Variants in PARP1 observed in about 807,000 individuals in gnomAD.
PARP1 encodes the protein poly(ADP-ribose) polymerase 1, also known as poly [ADP-ribose] polymerase 1.
A neutral mutation model predicts 118.7 loss-of-function variants in PARP1; 44 were observed. The ratio of observed to expected loss-of-function variants is 0.37; its 90% CI spans 0.29 to 0.48. The LOEUF is 0.48. PARP1 is among the 20% of genes least tolerant of loss of function. PARP1 has a pLI of 0.99. For missense variants in PARP1, 1,100 were observed against 1,272.4 expected (o/e 0.86, Z 2.06); for synonymous variants, 492 against 483.2 (o/e 1.02, Z -0.24).
chr1:226,386,000 G>T (rs566416597), intron 6 of PARP1, among the ~76,000 whole-genome samples: 1 of 152,308 alleles, frequency 6.6e-6, no homozygotes, highest in African/African-American at 2.4e-5. Flanking sequence ...CAGCAGAGAA[G>T]GGCCAGCTGG....
intron 1 of PARP1, among the ~76,000 whole-genome samples, chr1:226,405,260 C>T (rs544188424): frequency 6.6e-6 from 1 of 152,220 alleles, no homozygotes; most frequent in Admixed American, 6.5e-5. Flanking sequence ...CTTTCACTAT[C>T]AAGTATACCA....
At chr1:226,392,177 A>C in intron 3 of PARP1, 22 bp downstream of exon 3, 1 of 1,470,322 alleles carries the variant, frequency 6.8e-7, no homozygotes, top group Non-Finnish European at 9.5e-7. Context: ...AAGTTCAGGG[A>C]TCTGGGCCCC....
chr1:226,388,775 TGA>T lies in PARP1; in HGVS notation c.618-22_618-21del, dbSNP rs756094085. 1.3e-6 allele frequency: 2 copies of T among 1,579,686 alleles called. No homozygotes were observed. The highest frequency in any genetic ancestry group is 8.7e-7 in the Non-Finnish European group (1 of 1,148,662). On this transcript the variant is annotated intron_variant, in intron 4 of 22. Transcript: ENST00000366794. ...CTCTTTCTGAAGGAGACACAGGATA[TGA>T]GAGACAGCCAGAGCCATTAAAAGTC...
intron 5 of PARP1, among the ~76,000 whole-genome samples, chr1:226,387,583 A>G (rs890180262): frequency 6.6e-6 from 1 of 152,166 alleles, no homozygotes; most frequent in African/African-American, 2.4e-5. Context: ...TCTCCATCAC[A>G]CACAGCATAC....
In PARP1 at chr1:226,386,339, G is replaced by C; in HGVS notation, c.821C>G (p.Ser274Cys). ...AAGGCAGCTCACCGCCGACTCCCCAGAAGGCACTTGCTGCTTGTTGAAGAT... is the reference window on the plus strand; with the variant it reads ...AAGGCAGCTCACCGCCGACTCCCCACAAGGCACTTGCTGCTTGTTGAAGAT... Reference protein sequence around the residue: ...LLIFNKQQVPSGESAILDRVA... With the variant: ...LLIFNKQQVPCGESAILDRVA... The change falls in exon 6 of 23, where the codon TCT (serine) becomes TGT (cysteine). Residue 274 changes from serine (S) to cysteine (C), a missense_variant. Ser to Cys is a moderately radical substitution (Grantham distance 112). Coordinates refer to ENST00000366794, the MANE Select transcript of PARP1 (RefSeq NM_001618.4). 6.2e-7 allele frequency: 1 copy of C among 1,608,924 alleles called. No individual in the cohort carries two copies. Among genetic ancestry groups the C allele is most frequent in the Non-Finnish European group, 8.5e-7 (1 of 1,175,236 alleles).
intron 2 of PARP1, 104 bp from the exon 3 acceptor site, chr1:226,392,418 C>G: frequency 3.7e-6 from 3 of 811,352 alleles, no homozygotes; most frequent in Non-Finnish European, 6.6e-6. Flanking sequence ...CACTAGGACA[C>G]CTTATGCCTT....
rs1483547143 is a variant in PARP1, at chr1:226,381,166, A to G, written c.1202T>C (p.Leu401Pro). The change falls in exon 9 of 23, where the codon CTG becomes CCG. Residue 401 changes from leucine to proline, a missense_variant. This residue lies in a region of PARP1 where 948 missense variants were observed against 1,031.8 expected (regional missense o/e 0.92). Coordinates refer to ENST00000366794, the MANE Select transcript of PARP1 (RefSeq NM_001618.4). ...CTTCACTTCATCCTTGTTCCGGGAC[A>G]GCTTCCCGAGAGTCAGGATCTTCAT... ...SNMKILTLGK[L>P]SRNKDEVKAM... The G allele has an allele frequency of 1.9e-6, 3 of 1,614,036 alleles. No individual in the cohort carries two copies. Among genetic ancestry groups the G allele is most frequent in the Non-Finnish European group, 2.5e-6 (3 of 1,180,024 alleles).
chr1:226,406,248 TAG>T (rs1665144790), intron 1 of PARP1, among the ~76,000 whole-genome samples: 2 of 152,246 alleles, frequency 1.3e-5, no homozygotes, highest in East Asian at 1.9e-4. Flanking sequence ...TAATTTTATC[TAG>T]AGGTTAGTGG....
chr1:226,365,275 G>C, intron 18 of PARP1, 121 bp from the exon 19 acceptor site: 1 of 1,115,772 alleles, frequency 9.0e-7, no homozygotes, highest in Non-Finnish European at 1.3e-6. Flanking sequence ...AAGACTTAAG[G>C]TCTGCTGCAA....
At chr1:226,377,057 T>G in intron 13 of PARP1, 51 bp downstream of exon 13, 1 of 1,467,504 alleles carries the variant, frequency 6.8e-7, no homozygotes, top group Non-Finnish European at 9.5e-7. Flanking sequence ...TAGAATAAGG[T>G]GTCCCTTCCT....
intron 20 of PARP1, 24 bp from the exon 21 acceptor site, chr1:226,363,184 G>A (rs543569408): frequency 1.9e-5 from 29 of 1,562,550 alleles, no homozygotes; most frequent in Middle Eastern, 3.4e-4. Flanking sequence ...GACAGTCTCA[G>A]AAGAGGCCTT....
At chr1:226,369,505 G>A (rs532398921) in intron 15 of PARP1, among the ~76,000 whole-genome samples, 1 of 152,292 alleles carries the variant, frequency 6.6e-6, no homozygotes, top group African/African-American at 2.4e-5. Context: ...AACTCTTAAG[G>A]ACACATAAAA....
intron 14 of PARP1, 173 bp from the exon 15 acceptor site, chr1:226,370,690 T>A (rs1229391986): frequency 3.0e-6 from 2 of 668,316 alleles, no homozygotes; most frequent in African/African-American, 3.5e-5. Flanking sequence ...CACCCCACCA[T>A]GAGGGATGGC....
At chr1:226,371,480 G>A (rs1054466027) in intron 14 of PARP1, among the ~76,000 whole-genome samples, 4 of 152,198 alleles carry the variant, frequency 2.6e-5, no homozygotes, top group Admixed American at 6.5e-5. Flanking sequence ...CCTACCAGGA[G>A]CCAACAGCTT....
intron 3 of PARP1, among the ~76,000 whole-genome samples, chr1:226,391,409 G>A (rs909531780): frequency 2.6e-5 from 4 of 152,260 alleles, no homozygotes; most frequent in Non-Finnish European, 4.4e-5. Flanking sequence ...ATATTCCCAG[G>A]AGAGTTCCAG....
intron 2 of PARP1, among the ~76,000 whole-genome samples, chr1:226,398,603 G>A (rs553551699): frequency 3.3e-5 from 5 of 150,676 alleles, no homozygotes; most frequent in Admixed American, 1.3e-4. Flanking sequence ...GTAAATAAAC[G>A]TATGAGAAGA....
intron 5 of PARP1, among the ~76,000 whole-genome samples, chr1:226,387,788 A>G (rs531307211): frequency 6.6e-6 from 1 of 152,352 alleles, no homozygotes; most frequent in Admixed American, 6.5e-5. Context: ...CCACTAGGGA[A>G]GAGAGAAGGA....
intron 2 of PARP1, among the ~76,000 whole-genome samples, chr1:226,394,939 G>A (rs1664887277): frequency 6.6e-6 from 1 of 152,120 alleles, no homozygotes. Context: ...TTGGAATACT[G>A]GATGAAATTT....
rs112663882 is a variant in PARP1, at chr1:226,392,102, C to T, written c.402+97G>A. 1.9e-3 allele frequency: 1,612 copies of T among 837,384 alleles called. 20 individuals carry two copies. The African/African-American group carries it at 0.023, about 12-fold the overall frequency. 51.9% of individuals were successfully genotyped at this position (837,384 alleles called of 1,614,324 possible). ...TTTAATCACTTACGTTGAGCTAGCA[C>T]CCTAAAGCCCCCATTTCTTCTTTTC... On this transcript the variant is annotated intron_variant, in intron 3 of 22. Transcript: ENST00000366794.
Sources: allele counts gnomAD v4.1 joint callset (sites outside exome capture counted in the v4.1 genomes callset), GRCh38; gene constraint gnomAD v4.1.1; regional missense constraint gnomAD v4.1.1; transcripts MANE v1.5; gene names NCBI Gene and HGNC (gene_info 2026-07-23, HGNC 2026-07-21).